Variants in CDKN2B-AS1 observed in about 807,000 individuals in gnomAD.
CDKN2B-AS1 encodes CDKN2B and CDKN2A antisense cis and trans regulatory RNA 1, also known as CDKN2B antisense RNA 1 (non-protein coding).
intron 4 of CDKN2B-AS1, chr9:22,117,561 G>A (rs771337739): frequency 1.3e-5 from 2 of 152,218 alleles, no homozygotes; most frequent in Non-Finnish European, 2.9e-5. Context: ...GTTTGCCTTA[G>A]CAAGTGAATC....
chr9:22,125,443 T>C (rs1158829746), intron 4 of CDKN2B-AS1, among the ~76,000 whole-genome samples: 11 of 152,222 alleles, frequency 7.2e-5, no homozygotes, highest in Admixed American at 7.2e-4. Flanking sequence ...TATCATTTCA[T>C]TCCAAATTTA....
intron 4 of CDKN2B-AS1, among the ~76,000 whole-genome samples, chr9:22,111,832 A>C (rs977706401): frequency 6.6e-6 from 1 of 152,212 alleles, no homozygotes; most frequent in African/African-American, 2.4e-5. Flanking sequence ...GATAGCATTA[A>C]AAATTTTAAA....
chr9:22,044,147 C>T (rs754870351), intron 1 of CDKN2B-AS1, among the ~76,000 whole-genome samples: 6 of 151,890 alleles, frequency 4.0e-5, no homozygotes, highest in East Asian at 1.9e-4. Flanking sequence ...ATAACTAACA[C>T]GACAAGATGT....
chr9:22,021,562 G>T (rs1332378181), intron 1 of CDKN2B-AS1, among the ~76,000 whole-genome samples: 1 of 152,160 alleles, frequency 6.6e-6, no homozygotes, highest in African/African-American at 2.4e-5. Flanking sequence ...CATGAGCATA[G>T]AATGCTTTTC....
At chr9:22,073,559 T>C (rs779527268) in intron 4 of CDKN2B-AS1, among the ~76,000 whole-genome samples, 1 of 152,170 alleles carries the variant, frequency 6.6e-6, no homozygotes, top group African/African-American at 2.4e-5. Context: ...CTGAGAGTGA[T>C]TGACAGTTCG....
chr9:22,047,918 C>G (rs775053754), intron 2 of CDKN2B-AS1, among the ~76,000 whole-genome samples: 4 of 151,516 alleles, frequency 2.6e-5, no homozygotes, highest in African/African-American at 4.9e-5. Context: ...TTCTGAGTAG[C>G]TGGGACTATT....
At chr9:22,086,921 C>T (rs1824885178) in intron 4 of CDKN2B-AS1, among the ~76,000 whole-genome samples, 1 of 152,156 alleles carries the variant, frequency 6.6e-6, no homozygotes. Flanking sequence ...TCTCTGTGCC[C>T]CTCCAGAATT....
chr9:22,060,337 A>G (rs187093972), intron 4 of CDKN2B-AS1, among the ~76,000 whole-genome samples: 11 of 152,180 alleles, frequency 7.2e-5, no homozygotes, highest in Admixed American at 1.3e-4. Flanking sequence ...AAGTTCCACA[A>G]ATCTCTAGGG....
rs866766660 is a variant in CDKN2B-AS1 at position 22,094,661 on chromosome 9, C to T, written n.439-32442C>T. On this transcript the variant is annotated intron_variant and non_coding_transcript_variant, in intron 4 of 4. Transcript: ENST00000650946. Reference sequence around the variant, plus strand: ...GTTCTCGTGCCTTGGTTTTCAGCTCCGTCAGGTCCTTTAAAGACTTCTCTG... The same window carrying T: ...GTTCTCGTGCCTTGGTTTTCAGCTCTGTCAGGTCCTTTAAAGACTTCTCTG... Among the ~76,000 whole-genome samples, 11 of 144,338 alleles carry T rather than the reference C, an allele frequency of 7.6e-5. No homozygotes were observed. In the East Asian group the frequency reaches 7.9e-4, roughly 10 times the overall value. The allele number at this position is 144,338 out of a possible 152,430, so 94.7% of individuals were successfully genotyped here. A position where few individuals can be genotyped will look rare whatever the true frequency, so the allele number is the denominator to read the frequency against.
In CDKN2B-AS1 at chr9:21,996,506, G is replaced by A. The variant is rs777530486; in HGVS notation, n.29+1345G>A. ...TCCTCAGAAATGCTTCCCTTTTCAG[G>A]CACCCTCATACCACCGTGATTTTTT... On this transcript the variant is annotated intron_variant and non_coding_transcript_variant, in intron 1 of 4. Coordinates refer to ENST00000650946, the Ensembl canonical transcript of CDKN2B-AS1. The surrounding 1 kb of genome is among the most constrained non-coding windows in gnomAD (Gnocchi z 5.4). Among the ~76,000 whole-genome samples, 3 of 151,936 alleles carry A rather than the reference G, an allele frequency of 2.0e-5. No individual in the cohort carries two copies. The highest frequency in any genetic ancestry group is 4.4e-5 in the Non-Finnish European group (3 of 67,994).
At chr9:22,021,302 T>G (rs529736333) in intron 1 of CDKN2B-AS1, among the ~76,000 whole-genome samples, 1 of 152,296 alleles carries the variant, frequency 6.6e-6, no homozygotes, top group Admixed American at 6.5e-5. Flanking sequence ...TTTTTACCAG[T>G]GCCATGTTGT....
At chr9:22,101,477 C>T (rs1454177620) in intron 4 of CDKN2B-AS1, among the ~76,000 whole-genome samples, 1 of 152,054 alleles carries the variant, frequency 6.6e-6, no homozygotes, top group Non-Finnish European at 1.5e-5. Flanking sequence ...TAAGTAATGT[C>T]TCAGTTTTAT....
chr9:22,072,488 T>C (rs770992727), intron 4 of CDKN2B-AS1, among the ~76,000 whole-genome samples: 3 of 152,184 alleles, frequency 2.0e-5, no homozygotes, highest in Admixed American at 6.6e-5. Flanking sequence ...TCTCTAATAA[T>C]TTTTGCCTGT....
rs971284933 is a variant in CDKN2B-AS1, at chr9:22,015,328, A to C, written n.29+20167A>C. Among the ~76,000 whole-genome samples the C allele has an allele frequency of 3.3e-5, 5 of 151,956 alleles. No individual in the cohort carries two copies. The East Asian group carries it at 5.8e-4, about 18-fold the overall frequency. ...ACTCTTTATTAAGATTCATTTTCCT[A>C]TGAAAAAGTCCATTCTTTAGTCAGT... On this transcript the variant is annotated intron_variant and non_coding_transcript_variant, in intron 1 of 4. Coordinates refer to ENST00000650946, the Ensembl canonical transcript of CDKN2B-AS1.
chr9:22,036,421 T>C (rs952251276), intron 1 of CDKN2B-AS1, among the ~76,000 whole-genome samples: 1 of 152,138 alleles, frequency 6.6e-6, no homozygotes, highest in African/African-American at 2.4e-5. Flanking sequence ...TAAAAAATTG[T>C]CATTTTAATT....
At chr9:22,072,464 C>T (rs974933354) in intron 4 of CDKN2B-AS1, among the ~76,000 whole-genome samples, 2 of 152,150 alleles carry the variant, frequency 1.3e-5, no homozygotes, top group Admixed American at 1.3e-4. Flanking sequence ...TTACTAGAGC[C>T]AGGTTCCATT....
At chr9:22,120,287 A>G (rs1826064762) in intron 4 of CDKN2B-AS1, 1 of 152,228 alleles carries the variant, frequency 6.6e-6, no homozygotes, top group Non-Finnish European at 1.5e-5. Flanking sequence ...CTAGGGCCAG[A>G]GTCAAGATTT....
intron 4 of CDKN2B-AS1, among the ~76,000 whole-genome samples, chr9:22,091,746 T>C (rs1825094658): frequency 6.6e-6 from 1 of 152,206 alleles, no homozygotes; most frequent in Non-Finnish European, 1.5e-5. Context: ...GTTTTCTAGA[T>C]ATACAATCAT....
chr9:22,058,912 C>T lies in CDKN2B-AS1; in HGVS notation n.438+2525C>T, dbSNP rs374796792. 2.4e-3 allele frequency: 468 copies of T among 198,680 alleles called. 2 individuals carry two copies. Among genetic ancestry groups the T allele is most frequent in the Non-Finnish European group, 3.8e-3 (389 of 101,378 alleles). 12.3% of individuals were successfully genotyped at this position (198,680 alleles called of 1,614,324 possible). ...GAGAAAAATGAGGAAGAAGCAAAAG[C>T]GGAAACCTCTGATAAACCCATCAGA... On this transcript the variant is annotated intron_variant and non_coding_transcript_variant, in intron 4 of 4. Coordinates refer to ENST00000650946, the Ensembl canonical transcript of CDKN2B-AS1.
Sources: allele counts gnomAD v4.1 joint callset (sites outside exome capture counted in the v4.1 genomes callset), GRCh38; gene constraint gnomAD v4.1.1; non-coding constraint Gnocchi (gnomAD v3.1); transcripts MANE v1.5; gene names NCBI Gene and HGNC (gene_info 2026-07-23, HGNC 2026-07-21).